Variants in PALM2AKAP2 observed in about 807,000 individuals in gnomAD.
PALM2AKAP2 encodes the protein PALM2 and AKAP2 fusion.
Under a neutral mutation model 71.5 loss-of-function variants are expected in PALM2AKAP2, and 37 were observed. The observed-to-expected ratio is 0.52, with a 90% CI of 0.40 to 0.68. PALM2AKAP2 has a LOEUF of 0.68. Ranked by LOEUF, PALM2AKAP2 falls within the 30% of genes least tolerant of loss-of-function variation. PALM2AKAP2 has a pLI of 0.00. For missense variants in PALM2AKAP2, 1,224 were observed against 1,191.8 expected, an observed-to-expected ratio of 1.03 and a Z score of -0.40; for synonymous variants, 468 against 478.8, an observed-to-expected ratio of 0.98 and a Z score of 0.29.
chr9:109,692,883 A>G (rs1018504268), intron 1 of PALM2AKAP2, among the ~76,000 whole-genome samples: 1 of 151,804 alleles, frequency 6.6e-6, no homozygotes, highest in Non-Finnish European at 1.5e-5. Flanking sequence ...AGGAATATTG[A>G]TCTGTGATTT....
intron 7 of PALM2AKAP2, among the ~76,000 whole-genome samples, chr9:110,020,647 C>T (rs1028650294): frequency 6.6e-6 from 1 of 152,026 alleles, no homozygotes; most frequent in Non-Finnish European, 1.5e-5. Context: ...CACGCCACTG[C>T]ACTCCAGCCT....
At chr9:109,728,509 T>A (rs1273517953) in intron 1 of PALM2AKAP2, among the ~76,000 whole-genome samples, 1 of 152,212 alleles carries the variant, frequency 6.6e-6, no homozygotes, top group Non-Finnish European at 1.5e-5. Context: ...AGCCCTAAAA[T>A]CAGTTGTGCC....
At chr9:110,115,774 A>G (rs182592458) in intron 1 of PALM2AKAP2, among the ~76,000 whole-genome samples, 1 of 152,202 alleles carries the variant, frequency 6.6e-6, no homozygotes, top group African/African-American at 2.4e-5. Flanking sequence ...CTGTGCAGGG[A>G]TCTCTAAACC....
chr9:109,865,125 G>A (rs1564186553), intron 1 of PALM2AKAP2, among the ~76,000 whole-genome samples: 1 of 40,218 alleles, frequency 2.5e-5, no homozygotes, highest in Admixed American at 3.3e-4. Context: ...TTGAGACAGA[G>A]TCTCACTCTG....
chr9:110,008,599 A>C (rs1197264922), intron 6 of PALM2AKAP2, among the ~76,000 whole-genome samples: 1 of 152,160 alleles, frequency 6.6e-6, no homozygotes, highest in Non-Finnish European at 1.5e-5. Flanking sequence ...AGGCGAGTCT[A>C]GAAGGACTCC....
intron 1 of PALM2AKAP2, among the ~76,000 whole-genome samples, chr9:109,850,606 G>A (rs1828983332): frequency 6.6e-6 from 1 of 152,176 alleles, no homozygotes; most frequent in Admixed American, 6.5e-5. Context: ...AGAGCTACAT[G>A]CTAGGTAGAG....
intron 1 of PALM2AKAP2, among the ~76,000 whole-genome samples, chr9:109,799,443 C>G (rs900804325): frequency 6.6e-6 from 1 of 152,216 alleles, no homozygotes. Flanking sequence ...GTACATTCCT[C>G]AAGGCTTCTC....
At chr9:109,780,464 C>G in exon 1 of PALM2AKAP2, 3 of 1,613,122 alleles carry the variant, frequency 1.9e-6, no homozygotes, top group Non-Finnish European at 2.5e-6. Context: ...TTCCTCTTTC[C>G]CCTGCCTGTG....
At chr9:109,732,214 G>A (rs184330793) in intron 1 of PALM2AKAP2, among the ~76,000 whole-genome samples, 2 of 152,344 alleles carry the variant, frequency 1.3e-5, no homozygotes, top group Admixed American at 1.3e-4. Flanking sequence ...CCTTCCACGT[G>A]TACCTAGCTC....
intron 2 of PALM2AKAP2, among the ~76,000 whole-genome samples, chr9:110,154,986 G>A (rs1836411434): frequency 1.3e-5 from 2 of 152,212 alleles, no homozygotes; most frequent in South Asian, 4.1e-4. Flanking sequence ...AATATGAAAC[G>A]ATGATCTATA....
chr9:110,124,000 C>T lies in PALM2AKAP2; in HGVS notation c.157-12127C>T, dbSNP rs140873591. 3.1e-3 allele frequency among the ~76,000 whole-genome samples: 476 copies of T among 152,320 alleles called. 3 individuals carry two copies. The highest frequency in any genetic ancestry group is 0.011 in the African/African-American group (445 of 41,566). ...CACAGGGCAGCATAAATTCGGAGTT[C>T]CCTTGGAGCTCCCTGGTGACTTGAT... On this transcript the variant is annotated intron_variant, in intron 1 of 3. Coordinates refer to ENST00000374525, the Ensembl canonical transcript of PALM2AKAP2.
At chr9:109,854,893 C>T (rs1477546358) in intron 1 of PALM2AKAP2, among the ~76,000 whole-genome samples, 2 of 149,926 alleles carry the variant, frequency 1.3e-5, no homozygotes, top group South Asian at 2.1e-4. Flanking sequence ...ACCTCAGCCT[C>T]CTGAGTAGCT....
chr9:109,998,900 G>A (rs1219492104), intron 6 of PALM2AKAP2, among the ~76,000 whole-genome samples: 6 of 152,138 alleles, frequency 3.9e-5, no homozygotes, highest in Non-Finnish European at 5.9e-5. Context: ...CTTCTGCCCT[G>A]ATGGGAGAGT....
intron 2 of PALM2AKAP2, among the ~76,000 whole-genome samples, chr9:109,874,218 A>G (rs1430350837): frequency 1.3e-5 from 2 of 152,170 alleles, no homozygotes; most frequent in East Asian, 3.8e-4. Flanking sequence ...CAAGTGGGGG[A>G]GAGAGAGCAT....
intron 3 of PALM2AKAP2, among the ~76,000 whole-genome samples, chr9:110,158,880 C>T (rs1226291440): frequency 6.6e-5 from 10 of 152,146 alleles, no homozygotes; most frequent in African/African-American, 2.4e-4. Context: ...ATTTAAGAGA[C>T]CCAAATCTAA....
At chr9:110,142,353 A>G (rs376059904) in intron 2 of PALM2AKAP2, among the ~76,000 whole-genome samples, 2 of 152,132 alleles carry the variant, frequency 1.3e-5, no homozygotes, top group African/African-American at 4.8e-5. Context: ...TTGGCCTCCC[A>G]AAGTGCTAGG....
chr9:110,171,669 C>A (rs1025396170), exon 4 of PALM2AKAP2: 2 of 152,300 alleles, frequency 1.3e-5, no homozygotes, highest in Non-Finnish European at 2.9e-5. Context: ...GTCATTCCTG[C>A]CTAATCCATC....
intron 6 of PALM2AKAP2, among the ~76,000 whole-genome samples, chr9:110,011,424 T>C (rs927851978): frequency 1.3e-5 from 2 of 152,076 alleles, no homozygotes; most frequent in African/African-American, 4.8e-5. Context: ...ACCATGGATG[T>C]TAGTCGAGGG....
chr9:109,996,667 C>T (rs557738180), intron 6 of PALM2AKAP2, among the ~76,000 whole-genome samples: 1 of 152,368 alleles, frequency 6.6e-6, no homozygotes, highest in East Asian at 1.9e-4. Flanking sequence ...CTCTCAGATG[C>T]TATGACAGAG....
Sources: allele counts gnomAD v4.1 joint callset (sites outside exome capture counted in the v4.1 genomes callset), GRCh38; gene constraint gnomAD v4.1.1; transcripts MANE v1.5; gene names NCBI Gene and HGNC (gene_info 2026-07-23, HGNC 2026-07-21).